JPT2: variants seen among roughly 807,000 people sequenced by gnomAD.
The protein encoded by JPT2 is CRAMP_1 like.
In JPT2, 9 loss-of-function variants were observed where a neutral mutation model predicts 15.9. The observed-to-expected ratio is 0.57, with a 90% CI of 0.34 to 0.99. JPT2 has a LOEUF of 0.99. Among genes scored for constraint, JPT2 ranks in the 50% least tolerant of loss-of-function variants. The probability of loss-of-function intolerance (pLI) is 0.02; values close to 1 mark genes in which losing one functional copy is unlikely to be tolerated. For synonymous variants in JPT2, 95 were observed against 91.7 expected, an observed-to-expected ratio of 1.04 and a Z score of -0.21; for missense variants, 267 against 252.1, an observed-to-expected ratio of 1.06 and a Z score of -0.40.
intron 3 of JPT2, among the ~76,000 whole-genome samples, chr16:1,697,329 G>A (rs1349606010): frequency 3.9e-5 from 6 of 152,070 alleles, no homozygotes; most frequent in African/African-American, 1.2e-4. Flanking sequence ...GCTGGGCAAC[G>A]TGGCAAAACC....
At chr16:1,684,989 C>G (rs750915897) in intron 1 of JPT2, among the ~76,000 whole-genome samples, 6 of 151,832 alleles carry the variant, frequency 4.0e-5, no homozygotes, top group Non-Finnish European at 8.8e-5. Flanking sequence ...ACTAGTCATA[C>G]CAGTATTAAC....
At chr16:1,695,124 G>A (rs866177704) in intron 3 of JPT2, among the ~76,000 whole-genome samples, 23 of 152,228 alleles carry the variant, frequency 1.5e-4, no homozygotes, top group Middle Eastern at 3.4e-3. Flanking sequence ...ACTAGCTGGG[G>A]GCTGGGTACA....
chr16:1,679,860 T>C (rs992330607), intron 1 of JPT2, among the ~76,000 whole-genome samples: 40 of 150,882 alleles, frequency 2.7e-4, no homozygotes, highest in African/African-American at 8.3e-4. Flanking sequence ...ATCGAGACCA[T>C]CCTGGCCAAC....
rs576413740 is a variant in JPT2 at position 1,684,738 on chromosome 16, C to G, written c.45-701C>G. ...AGCCTGGGCAACAAGAGTAAAACTC[C>G]GTCTCAAAAAAAACAAACAAAAGTT... is the stretch of plus-strand genomic sequence containing the variant. On this transcript the variant is annotated intron_variant, in intron 1 of 4. Transcript: ENST00000248098. Among the ~76,000 whole-genome samples the G allele has an allele frequency of 3.3e-5, 5 of 151,172 alleles. No homozygotes were observed. The South Asian group carries it at 1.0e-3, about 32-fold the overall frequency.
chr16:1,685,429 G>C lies in JPT2; in HGVS notation c.45-10G>C. ...GCCATCAGTAATTGGCATGTACTCT[G>C]TGCTTGTAGGGCCATGAAGCCCCCA... On this transcript the variant is annotated splice_polypyrimidine_tract_variant and intron_variant, in intron 1 of 4. Coordinates refer to ENST00000248098, the MANE Select transcript of JPT2 (RefSeq NM_144570.3). The C allele has an allele frequency of 1.2e-6, 2 of 1,613,970 alleles. No individual in the cohort carries two copies. Among genetic ancestry groups the C allele is most frequent in the Non-Finnish European group, 1.7e-6 (2 of 1,179,926 alleles).
rs1164899852 is a variant in JPT2, at chr16:1,702,080, C to A, written c.*3082C>A. Reference sequence around the variant, plus strand: ...AATAAAAAACAGATTGGATGTCTTTCTTCTGATGTATTAGCTATTTTCATA... The same window carrying A: ...AATAAAAAACAGATTGGATGTCTTTATTCTGATGTATTAGCTATTTTCATA... On this transcript the variant is annotated 3_prime_UTR_variant, in exon 5 of 5. Transcript: ENST00000248098. 1 of 452,970 alleles carries A rather than the reference C, an allele frequency of 2.2e-6. No homozygotes were observed. The highest frequency in any genetic ancestry group is 1.6e-5 in the South Asian group (1 of 64,402). The allele number at this position is 452,970 out of a possible 1,614,324, so 28.1% of individuals were successfully genotyped here. A position where few individuals can be genotyped will look rare whatever the true frequency, so the allele number is the denominator to read the frequency against.
intron 3 of JPT2, among the ~76,000 whole-genome samples, chr16:1,697,464 G>GA (rs972725326): frequency 6.6e-6 from 1 of 150,846 alleles, no homozygotes; most frequent in Non-Finnish European, 1.5e-5. Flanking sequence ...AGTGAGCCAA[G>GA]ATCATGCCAC....
intron 1 of JPT2, among the ~76,000 whole-genome samples, chr16:1,679,737 A>T (rs992161507): frequency 6.7e-6 from 1 of 149,538 alleles, no homozygotes; most frequent in Admixed American, 6.7e-5. Flanking sequence ...GAGTTAGGTC[A>T]GTATTCAGTA....
intron 1 of JPT2, among the ~76,000 whole-genome samples, chr16:1,678,877 G>A (rs995120662): frequency 5.3e-5 from 8 of 152,186 alleles, no homozygotes; most frequent in African/African-American, 1.9e-4. Flanking sequence ...TGTGTGTGTG[G>A]CCTGTGCCCT....
At chr16:1,681,392 C>CT (rs568126444) in intron 1 of JPT2, among the ~76,000 whole-genome samples, 87 of 152,204 alleles carry the variant, frequency 5.7e-4, no homozygotes, top group African/African-American at 2.0e-3. Flanking sequence ...TTTGGTACCA[C>CT]TTTTTTTTCT....
At position 1,685,599 on chromosome 16, in the gene JPT2, TGGAAATCC is replaced by T; in HGVS notation, c.193+13_193+20del. 6.2e-7 allele frequency: 1 copy of T among 1,608,756 alleles called. No individual in the cohort carries two copies. The highest frequency in any genetic ancestry group is 8.5e-7 in the Non-Finnish European group (1 of 1,178,428). On this transcript the variant is annotated intron_variant, in intron 2 of 4. Transcript: ENST00000248098. ...GACAAATCCCCCAGGTATGGGCCTT[TGGAAATCC>T]TTAATCCTTTGGCCTCCACGATTCT...
intron 2 of JPT2, chr16:1,688,584 A>G (rs1299400493): frequency 5.9e-5 from 9 of 152,244 alleles, no homozygotes; most frequent in Admixed American, 5.9e-4. Context: ...TTAAAAACAA[A>G]TCTTGTAGGC....
chr16:1,680,111 C>T (rs2037010345), intron 1 of JPT2, among the ~76,000 whole-genome samples: 2 of 152,196 alleles, frequency 1.3e-5, no homozygotes, highest in Admixed American at 1.3e-4. Context: ...TAGGTCTGCA[C>T]CGATGTGGGA....
At chr16:1,682,891 C>T (rs943273342) in intron 1 of JPT2, among the ~76,000 whole-genome samples, 1 of 152,144 alleles carries the variant, frequency 6.6e-6, no homozygotes, top group Non-Finnish European at 1.5e-5. Context: ...TTCACTGCAG[C>T]TTTGACCTCC....
chr16:1,690,342 C>G (rs763000936), intron 2 of JPT2: 5 of 152,142 alleles, frequency 3.3e-5, no homozygotes, highest in Non-Finnish European at 7.4e-5. Context: ...TTCCTGTAAC[C>G]AAATTGCTGT....
At chr16:1,691,719 C>T (rs2037104508) in intron 2 of JPT2, 124 bp from the exon 3 acceptor site, 2 of 1,158,216 alleles carry the variant, frequency 1.7e-6, no homozygotes, top group Non-Finnish European at 2.4e-6. Context: ...GCCCTGTTGG[C>T]CTGGAGCTCA....
Position 1,691,994 on chromosome 16 carries a change from T to C in JPT2, c.336+9T>C, listed in dbSNP as rs776560508. 1.2e-6 allele frequency: 2 copies of C among 1,614,088 alleles called. No individual in the cohort carries two copies. Among genetic ancestry groups the C allele is most frequent in the African/African-American group, 2.7e-5 (2 of 75,064 alleles). On this transcript the variant is annotated intron_variant, in intron 3 of 4. Transcript: ENST00000248098. ...ACCCAAACAAACCCAAGGTATGGAC[T>C]GCATTCAGACGTGACAGCGCAGCAG... is the stretch of plus-strand genomic sequence containing the variant.
At chr16:1,678,603 A>G (rs1220787802) in intron 1 of JPT2, among the ~76,000 whole-genome samples, 1 of 151,168 alleles carries the variant, frequency 6.6e-6, no homozygotes, top group African/African-American at 2.4e-5. Flanking sequence ...GAGGGCGGGG[A>G]GGGGCGCCCG....
At position 1,700,707 on chromosome 16, in the gene JPT2, A is replaced by G. The variant is rs2037174801; in HGVS notation, c.*1709A>G. ...TTTGTGCTTCAAAGTCATTGATGCA[A>G]CTTGAAAGGAAACAGTTTAATGGTG... On this transcript the variant is annotated 3_prime_UTR_variant, in exon 5 of 5. Coordinates refer to ENST00000248098, the MANE Select transcript of JPT2 (RefSeq NM_144570.3). 1 of 153,040 alleles carries G rather than the reference A, an allele frequency of 6.5e-6. No individual in the cohort carries two copies. Among genetic ancestry groups the G allele is most frequent in the African/African-American group, 2.4e-5 (1 of 41,448 alleles). 9.5% of individuals were successfully genotyped at this position (153,040 alleles called of 1,614,324 possible).
Sources: allele counts gnomAD v4.1 joint callset (sites outside exome capture counted in the v4.1 genomes callset), GRCh38; gene constraint gnomAD v4.1.1; transcripts MANE v1.5; gene names NCBI Gene and HGNC (gene_info 2026-07-23, HGNC 2026-07-21).